The following NEGR1 variants were observed in gnomAD, a reference collection of about 807,000 sequenced individuals.
NEGR1 encodes neuronal growth regulator 1, also known as IgLON family member 4.
NEGR1 carries 10 observed loss-of-function variants against 40.9 expected under a neutral mutation model. The ratio of observed to expected loss-of-function variants is 0.24; its 90% CI spans 0.15 to 0.42. The LOEUF (loss-of-function observed/expected upper bound fraction) is 0.42. Among genes scored for constraint, NEGR1 ranks in the 10% least tolerant of loss-of-function variants. The pLI, the probability that NEGR1 is intolerant of heterozygous loss-of-function variation, is 1.00. For synonymous variants in NEGR1, 185 were observed against 166.8 expected (o/e 1.11, Z -0.84); for missense variants, 352 against 438.9 (o/e 0.80, Z 1.77).
At chr1:71,526,235 A>G (rs1441509722) in intron 6 of NEGR1, among the ~76,000 whole-genome samples, 1 of 151,498 alleles carries the variant, frequency 6.6e-6, no homozygotes, top group Non-Finnish European at 1.5e-5. Flanking sequence ...GCTGTCTTAA[A>G]TTTTTTACAC....
chr1:72,070,899 T>C (rs1647434962), intron 1 of NEGR1, among the ~76,000 whole-genome samples: 1 of 152,104 alleles, frequency 6.6e-6, no homozygotes, highest in African/African-American at 2.4e-5. Flanking sequence ...GTTTATGCTA[T>C]CTCTACCTTT....
chr1:72,055,240 T>G (rs1005600677), intron 1 of NEGR1, among the ~76,000 whole-genome samples: 5 of 151,272 alleles, frequency 3.3e-5, no homozygotes, highest in African/African-American at 4.8e-5. Flanking sequence ...TTTGAAAGTT[T>G]ACATTAAAGA....
intron 2 of NEGR1, among the ~76,000 whole-genome samples, chr1:71,827,051 G>C (rs1658651803): frequency 6.6e-6 from 1 of 151,758 alleles, no homozygotes; most frequent in African/African-American, 2.4e-5. Context: ...AAGAGCAGTT[G>C]CCACTATTGG....
chr1:72,118,860 C>T (rs1221151284), intron 1 of NEGR1, among the ~76,000 whole-genome samples: 1 of 151,384 alleles, frequency 6.6e-6, no homozygotes, highest in Admixed American at 6.6e-5. Context: ...CTATTTTCAA[C>T]CAAATTTTAA....
chr1:71,879,441 T>C (rs950699838), intron 2 of NEGR1, among the ~76,000 whole-genome samples: 4 of 152,186 alleles, frequency 2.6e-5, no homozygotes, highest in Non-Finnish European at 5.9e-5. Flanking sequence ...GCCAGCATAG[T>C]GGCTCAAGCC....
At chr1:72,204,303 AT>A (rs1653318514) in intron 1 of NEGR1, among the ~76,000 whole-genome samples, 1 of 152,130 alleles carries the variant, frequency 6.6e-6, no homozygotes, top group South Asian at 2.1e-4. Context: ...TGAGAAAAAA[AT>A]ATCCATTTCC....
In NEGR1 at chr1:71,399,242, A is replaced by G. The variant is rs1646230946; in HGVS notation, c.*8204T>C. Reference sequence around the variant, plus strand: ...TAGTTTATCTATAAATTAGAAATATATATGTTTCCAGAAAAAAATTGCTTA... The same window carrying G: ...TAGTTTATCTATAAATTAGAAATATGTATGTTTCCAGAAAAAAATTGCTTA... On this transcript the variant is annotated 3_prime_UTR_variant, in exon 7 of 7. Transcript: ENST00000357731. 2 of 152,008 alleles carry G rather than the reference A, an allele frequency of 1.3e-5. No individual in the cohort carries two copies. Among genetic ancestry groups the G allele is most frequent in the Non-Finnish European group, 2.9e-5 (2 of 68,004 alleles). 9.4% of individuals were successfully genotyped at this position (152,008 alleles called of 1,614,324 possible).
At chr1:72,257,163 AT>A in intron 1 of NEGR1, among the ~76,000 whole-genome samples, 1 of 151,912 alleles carries the variant, frequency 6.6e-6, no homozygotes, top group South Asian at 2.1e-4. Flanking sequence ...TCTACTAAAA[AT>A]ACAAAATATT....
intron 2 of NEGR1, among the ~76,000 whole-genome samples, chr1:71,852,741 TA>T (rs768823307): frequency 2.3e-4 from 35 of 150,618 alleles, no homozygotes; most frequent in South Asian, 2.3e-3. Context: ...AGGTTTTTAG[TA>T]ATACAGATGA....
chr1:72,097,376 C>G (rs952113826), intron 1 of NEGR1, among the ~76,000 whole-genome samples: 1 of 152,048 alleles, frequency 6.6e-6, no homozygotes, highest in African/African-American at 2.4e-5. Flanking sequence ...GTCAATCTAT[C>G]CAGATTATTT....
At chr1:72,241,038 A>G (rs1451086504) in intron 1 of NEGR1, among the ~76,000 whole-genome samples, 1 of 151,816 alleles carries the variant, frequency 6.6e-6, no homozygotes, top group Admixed American at 6.6e-5. Context: ...TTCTTTAGAG[A>G]TGGACTAAAT....
rs142674139 is a variant in NEGR1, at chr1:72,282,401, G to C, written c.94C>G (p.Leu32Val). The C allele has an allele frequency of 7.9e-3, 12,787 of 1,613,908 alleles. 75 individuals are homozygous for C. Among genetic ancestry groups the C allele is most frequent in the Non-Finnish European group, 9.6e-3 (11,272 of 1,179,972 alleles). ...AAGTCCACACTCTGTCCAGCCGGGA[G>C]GCAGGAGGGTAGCAGGCAGCACAGG... ...LSLCCLLPSC[L>V]PAGQSVDFPW... The change falls in exon 1 of 7, where the codon CTC becomes GTC. Residue 32 changes from leucine (L) to valine (V), a missense_variant. Leu to Val is a conservative substitution (Grantham distance 32). Transcript: ENST00000357731.
intron 3 of NEGR1, among the ~76,000 whole-genome samples, chr1:71,771,504 C>T (rs1656322104): frequency 6.6e-6 from 1 of 151,514 alleles, no homozygotes; most frequent in Non-Finnish European, 1.5e-5. Flanking sequence ...AGATGGAGAC[C>T]AGCCTGACCA....
chr1:71,621,269 A>T (rs1274343727), intron 4 of NEGR1, among the ~76,000 whole-genome samples: 1 of 151,892 alleles, frequency 6.6e-6, no homozygotes, highest in Non-Finnish European at 1.5e-5. Context: ...ATCTTTCTGA[A>T]AGGCAGATGT....
chr1:72,258,627 T>A (rs779995138), intron 1 of NEGR1, among the ~76,000 whole-genome samples: 2 of 152,206 alleles, frequency 1.3e-5, no homozygotes, highest in African/African-American at 4.8e-5. Flanking sequence ...TTATTATATA[T>A]GTTTGTAATG....
At chr1:72,241,009 A>G (rs529214604) in intron 1 of NEGR1, among the ~76,000 whole-genome samples, 2 of 151,884 alleles carry the variant, frequency 1.3e-5, no homozygotes, top group African/African-American at 4.8e-5. Flanking sequence ...TGACAGGATT[A>G]AAGTCCCAGG....
intron 1 of NEGR1, among the ~76,000 whole-genome samples, chr1:72,058,259 GT>G (rs141562125): frequency 0.012 from 1,762 of 148,732 alleles, 31 homozygotes; most frequent in African/African-American, 0.04. Context: ...TATCTAATAA[GT>G]TTTTTTTTTG....
rs57794150 is a variant in NEGR1 at position 71,887,992 on chromosome 1, GACACACACACACACAC to G, written c.409+47071_409+47086del. 3.3e-3 allele frequency among the ~76,000 whole-genome samples: 458 copies of G among 138,270 alleles called. 3 individuals carry two copies. Among genetic ancestry groups the G allele is most frequent in the East Asian group, 9.9e-3 (45 of 4,532 alleles). 90.7% of individuals were successfully genotyped at this position (138,270 alleles called of 152,430 possible). A position where few individuals can be genotyped will look rare whatever the true frequency, so the allele number is the denominator to read the frequency against. ...CCAGTGGAGCTCAAACTTTTGAAAG[GACACACACACACACAC>G]ACACACACACACACACACACACACA... is the stretch of plus-strand genomic sequence containing the variant. On this transcript the variant is annotated intron_variant, in intron 2 of 6. Transcript: ENST00000357731.
intron 2 of NEGR1, among the ~76,000 whole-genome samples, chr1:71,851,366 G>A (rs1659595536): frequency 6.6e-6 from 1 of 151,998 alleles, no homozygotes. Context: ...ACTGAACCAA[G>A]AGTTTTGAGC....
Sources: gnomAD v4.1 joint callset for allele counts (sites outside exome capture counted in the v4.1 genomes callset) on GRCh38, gnomAD v4.1.1 for gene constraint, MANE v1.5 for transcripts, NCBI Gene and HGNC (gene_info 2026-07-23, HGNC 2026-07-21) for gene names.